CCDC7: variants seen among roughly 807,000 people sequenced by gnomAD.
CCDC7 encodes coiled-coil domain-containing protein 7.
In CCDC7, 183 loss-of-function variants were observed where a neutral mutation model predicts 196.9. That is an observed-to-expected ratio of 0.93 (90% CI 0.82 to 1.05). The LOEUF is 1.05. Ranked by LOEUF, CCDC7 falls within the 50% of genes least tolerant of loss-of-function variation. The pLI is 0.00. For synonymous variants in CCDC7, 525 were observed against 484.6 expected (o/e 1.08, Z -1.10); for missense variants, 1,540 against 1,482.2 (o/e 1.04, Z -0.64).
intron 28 of CCDC7, among the ~76,000 whole-genome samples, chr10:32,773,848 C>T (rs971728646): frequency 6.6e-6 from 1 of 152,146 alleles, no homozygotes; most frequent in Admixed American, 6.5e-5. Context: ...CTGGTCTGCT[C>T]TTGCTTCTGA....
intron 8 of CCDC7, among the ~76,000 whole-genome samples, chr10:32,480,657 A>G (rs1316495169): frequency 2.6e-5 from 4 of 152,022 alleles, no homozygotes; most frequent in Non-Finnish European, 5.9e-5. Flanking sequence ...ATATTTGTAA[A>G]TCTTTCAATT....
At chr10:32,640,251 A>G (rs2066482772) in intron 20 of CCDC7, among the ~76,000 whole-genome samples, 1 of 152,208 alleles carries the variant, frequency 6.6e-6, no homozygotes, top group East Asian at 1.9e-4. Flanking sequence ...CATATTTAGG[A>G]TAGTCAGCTC....
intron 41 of CCDC7, among the ~76,000 whole-genome samples, chr10:32,862,449 G>T (rs1393189101): frequency 6.6e-6 from 1 of 151,946 alleles, no homozygotes; most frequent in African/African-American, 2.4e-5. Context: ...ATAGCATTAG[G>T]ACAAATACCT....
intron 29 of CCDC7, among the ~76,000 whole-genome samples, chr10:32,789,493 A>G: frequency 6.6e-6 from 1 of 152,106 alleles, no homozygotes; most frequent in East Asian, 1.9e-4. Flanking sequence ...CAGGCAAAAG[A>G]AAGAATCAGT....
At chr10:32,862,198 A>C (rs2094016613) in intron 41 of CCDC7, among the ~76,000 whole-genome samples, 1 of 152,222 alleles carries the variant, frequency 6.6e-6, no homozygotes, top group Non-Finnish European at 1.5e-5. Flanking sequence ...TGGATGAAGA[A>C]AATGTGGCAC....
intron 29 of CCDC7, among the ~76,000 whole-genome samples, chr10:32,797,741 G>A (rs1364064177): frequency 7.9e-6 from 1 of 127,064 alleles, no homozygotes; most frequent in African/African-American, 2.5e-5. Flanking sequence ...GTGATGGTGA[G>A]TGGTGCCACT....
intron 28 of CCDC7, among the ~76,000 whole-genome samples, chr10:32,744,230 T>C (rs187945312): frequency 8.5e-4 from 129 of 152,212 alleles, no homozygotes; most frequent in African/African-American, 2.8e-3. Context: ...AGATACTAAA[T>C]GTTCAAAGCC....
At chr10:32,786,651 T>C (rs2081938425) in intron 29 of CCDC7, among the ~76,000 whole-genome samples, 1 of 151,926 alleles carries the variant, frequency 6.6e-6, no homozygotes, top group Non-Finnish European at 1.5e-5. Flanking sequence ...ATCCCAGCTA[T>C]TAGGGAGGCT....
intron 8 of CCDC7, among the ~76,000 whole-genome samples, chr10:32,485,752 T>G (rs1022261034): frequency 5.3e-5 from 8 of 152,304 alleles, no homozygotes; most frequent in East Asian, 1.9e-4. Flanking sequence ...ATTTCATTAT[T>G]TACCCAGTAG....
chr10:32,838,437 A>G (rs1479078838), intron 33 of CCDC7, among the ~76,000 whole-genome samples: 1 of 152,096 alleles, frequency 6.6e-6, no homozygotes, highest in African/African-American at 2.4e-5. Flanking sequence ...AAACACAAAG[A>G]AACAAGAATT....
chr10:32,854,028 A>T (rs1191401146), intron 40 of CCDC7, among the ~76,000 whole-genome samples: 1 of 151,392 alleles, frequency 6.6e-6, no homozygotes, highest in Non-Finnish European at 1.5e-5. Context: ...TCAGCCCATG[A>T]CCCTCTCTCT....
At chr10:32,454,577 T>TAAAAAAAAAA (rs150293880) in intron 2 of CCDC7, among the ~76,000 whole-genome samples, 3 of 146,704 alleles carry the variant, frequency 2.0e-5, no homozygotes, top group African/African-American at 7.6e-5. Context: ...AAACAAAAGT[T>TAAAAAAAAAA]AAAAAAAAAA....
chr10:32,690,992 G>C (rs1301077139), intron 23 of CCDC7, among the ~76,000 whole-genome samples: 1 of 152,218 alleles, frequency 6.6e-6, no homozygotes, highest in Non-Finnish European at 1.5e-5. Context: ...CCTGGTGTCA[G>C]AGGTTGTGGG....
At chr10:32,598,547 G>T (rs1482737249) in intron 18 of CCDC7, among the ~76,000 whole-genome samples, 1 of 152,214 alleles carries the variant, frequency 6.6e-6, no homozygotes, top group African/African-American at 2.4e-5. Context: ...TGGAAATGCA[G>T]AAATCACCTG....
At chr10:32,578,534 T>G (rs1479533673) in intron 16 of CCDC7, among the ~76,000 whole-genome samples, 1 of 151,226 alleles carries the variant, frequency 6.6e-6, no homozygotes, top group African/African-American at 2.4e-5. Context: ...CATCAGACAT[T>G]AGGTTCTCGT....
intron 28 of CCDC7, among the ~76,000 whole-genome samples, chr10:32,763,414 A>G (rs1055059261): frequency 6.6e-6 from 1 of 151,960 alleles, no homozygotes; most frequent in Non-Finnish European, 1.5e-5. Flanking sequence ...GTGGTGAAAA[A>G]CAATAGGGAG....
intron 20 of CCDC7, among the ~76,000 whole-genome samples, chr10:32,663,678 C>T (rs1025816933): frequency 2.6e-5 from 4 of 151,974 alleles, no homozygotes; most frequent in Non-Finnish European, 1.5e-5. Context: ...TAACCAATTT[C>T]ATATGCTTGT....
Position 32,635,163 on chromosome 10 carries a change from G to A in CCDC7, c.2014+5G>A, listed in dbSNP as rs1308167408. Reference sequence around the variant, plus strand: ...CCAGAAATGAGAGTTTTCATTGTAAGTAGTAAGTTTAAAATGTTATAAAAT... The same window carrying A: ...CCAGAAATGAGAGTTTTCATTGTAAATAGTAAGTTTAAAATGTTATAAAAT... On this transcript the variant is annotated splice_donor_5th_base_variant and intron_variant, in intron 20 of 41. Coordinates refer to ENST00000639629, the Ensembl canonical transcript of CCDC7. The A allele has an allele frequency of 2.5e-6, 1 of 398,346 alleles. No homozygotes were observed. Among genetic ancestry groups the A allele is most frequent in the Non-Finnish European group, 4.4e-6 (1 of 225,794 alleles). 24.7% of individuals were successfully genotyped at this position (398,346 alleles called of 1,614,324 possible). A position where few individuals can be genotyped will look rare whatever the true frequency, so the allele number is the denominator to read the frequency against.
chr10:32,597,480 C>T (rs920163108), intron 18 of CCDC7, among the ~76,000 whole-genome samples: 3 of 152,078 alleles, frequency 2.0e-5, no homozygotes, highest in East Asian at 1.9e-4. Context: ...TCCTTTAGCT[C>T]GGAGAAGTAT....
Sources: allele counts gnomAD v4.1 joint callset (sites outside exome capture counted in the v4.1 genomes callset), GRCh38; gene constraint gnomAD v4.1.1; transcripts MANE v1.5; gene names NCBI Gene and HGNC (gene_info 2026-07-23, HGNC 2026-07-21).